CYP19A1: variants seen among roughly 807,000 people sequenced by gnomAD.
The protein encoded by CYP19A1 is cytochrome P450 family 19 subfamily A member 1.
A neutral mutation model predicts 44.4 loss-of-function variants in CYP19A1; 32 were observed. That is an observed-to-expected ratio of 0.72 (90% CI 0.54 to 0.97). CYP19A1 has a LOEUF of 0.97. CYP19A1 is among the 50% of genes least tolerant of loss of function. The pLI, the probability that CYP19A1 is intolerant of heterozygous loss-of-function variation, is 0.00. For synonymous variants in CYP19A1, 212 were observed against 215.6 expected (o/e 0.98, Z 0.14); for missense variants, 598 against 637.8 (o/e 0.94, Z 0.67).
intron 5 of CYP19A1, among the ~76,000 whole-genome samples, chr15:51,218,990 G>C (rs920328930): frequency 2.0e-5 from 3 of 152,176 alleles, no homozygotes; most frequent in Non-Finnish European, 4.4e-5. Flanking sequence ...TGTACAAATG[G>C]AACTAGTAAT....
At chr15:51,291,008 A>T (rs1384245433) in intron 1 of CYP19A1, among the ~76,000 whole-genome samples, 1 of 152,198 alleles carries the variant, frequency 6.6e-6, no homozygotes, top group Non-Finnish European at 1.5e-5. Context: ...AGGCTTTGGG[A>T]TAGACACGGG....
At chr15:51,274,750 C>T (rs1425271218) in intron 1 of CYP19A1, among the ~76,000 whole-genome samples, 3 of 152,138 alleles carry the variant, frequency 2.0e-5, no homozygotes, top group East Asian at 1.9e-4. Flanking sequence ...CCCTGGCCCT[C>T]GCTCCTGTAT....
At position 51,212,340 on chromosome 15, in the gene CYP19A1, G is replaced by T; in HGVS notation, c.1243C>A (p.Leu415Ile). The change falls in exon 9 of 10, where the codon CTT (leucine) becomes ATT (isoleucine). Residue 415 changes from leucine (L) to isoleucine (I), a missense_variant. Transcript: ENST00000396402. The part of the protein sequence containing the change: ...EFFPKPNEFT[L>I]ENFAKNVPYR... ...CTTACATTCTTTGCAAAATTTTCAA[G>T]AGTAAATTCATTGGGTTTGGGGAAA... 6.2e-7 allele frequency: 1 copy of T among 1,600,462 alleles called. No individual in the cohort carries two copies. Among genetic ancestry groups the T allele is most frequent in the Non-Finnish European group, 8.6e-7 (1 of 1,167,478 alleles).
intron 3 of CYP19A1, among the ~76,000 whole-genome samples, chr15:51,233,391 C>G (rs1183411776): frequency 6.6e-6 from 1 of 152,126 alleles, no homozygotes; most frequent in African/African-American, 2.4e-5. Flanking sequence ...GACCTAGTGA[C>G]GACATATTGC....
At chr15:51,303,306 G>T (rs1211653208) in intron 1 of CYP19A1, among the ~76,000 whole-genome samples, 1 of 151,962 alleles carries the variant, frequency 6.6e-6, no homozygotes, top group Non-Finnish European at 1.5e-5. Context: ...GGGTGAGAGA[G>T]CTAGTTCTTG....
At chr15:51,294,550 C>T (rs1403474883) in intron 1 of CYP19A1, among the ~76,000 whole-genome samples, 15 of 148,232 alleles carry the variant, frequency 1.0e-4, no homozygotes, top group East Asian at 6.2e-4. Context: ...GGAGCGTCTC[C>T]GCCCGGCAGC....
intron 1 of CYP19A1, among the ~76,000 whole-genome samples, chr15:51,309,874 T>C (rs76387212): frequency 0.034 from 5,150 of 152,286 alleles, 287 homozygotes; most frequent in African/African-American, 0.12. Context: ...CATGAGCTAC[T>C]TGAGGGTGGG....
At chr15:51,285,816 G>A (rs571047553) in intron 1 of CYP19A1, among the ~76,000 whole-genome samples, 15 of 152,246 alleles carry the variant, frequency 9.9e-5, no homozygotes, top group African/African-American at 1.4e-4. Flanking sequence ...CCATACTTGC[G>A]TTAGCCCACT....
chr15:51,275,095 C>T (rs1305491530), intron 1 of CYP19A1, among the ~76,000 whole-genome samples: 1 of 152,220 alleles, frequency 6.6e-6, no homozygotes, highest in African/African-American at 2.4e-5. Context: ...ACTGTTGTGG[C>T]CCGTGTCAGG....
chr15:51,214,413 G>T (rs1384044685), intron 8 of CYP19A1, among the ~76,000 whole-genome samples: 4 of 152,302 alleles, frequency 2.6e-5, no homozygotes, highest in African/African-American at 9.6e-5. Flanking sequence ...GAGGGCAGGG[G>T]AGAGGAAGGG....
chr15:51,336,412 G>A (rs1437552607), intron 1 of CYP19A1, among the ~76,000 whole-genome samples: 1 of 152,176 alleles, frequency 6.6e-6, no homozygotes, highest in Non-Finnish European at 1.5e-5. Flanking sequence ...GTTTCTTGGG[G>A]TTTAACAGTA....
intron 1 of CYP19A1, among the ~76,000 whole-genome samples, chr15:51,314,458 G>A (rs1288461391): frequency 2.0e-5 from 3 of 152,148 alleles, no homozygotes; most frequent in East Asian, 3.9e-4. Context: ...TCCATGAAAA[G>A]CTCTGTGCCA....
intron 1 of CYP19A1, among the ~76,000 whole-genome samples, chr15:51,284,611 G>A (rs555342873): frequency 2.4e-4 from 37 of 152,288 alleles, no homozygotes; most frequent in South Asian, 4.1e-4. Context: ...CTTGGAGAAG[G>A]ACCAGGAATA....
In CYP19A1 at chr15:51,271,553, G is replaced by C. The variant is rs149037750; in HGVS notation, c.-38-28603C>G. ...CAATTTACAAGATCTAAACCTTGTT[G>C]ACAAACTAGCTCCACCACAGTTCTA... is the stretch of plus-strand genomic sequence containing the variant. On this transcript the variant is annotated intron_variant, in intron 1 of 9. Coordinates refer to ENST00000396402, the MANE Select transcript of CYP19A1 (RefSeq NM_000103.4). Among the ~76,000 whole-genome samples the C allele has an allele frequency of 4.3e-3, 653 of 152,294 alleles. 5 individuals carry two copies. Among genetic ancestry groups the C allele is most frequent in the African/African-American group, 0.015 (621 of 41,552 alleles).
At chr15:51,297,886 G>A (rs1359596821) in intron 1 of CYP19A1, among the ~76,000 whole-genome samples, 3 of 141,674 alleles carry the variant, frequency 2.1e-5, no homozygotes, top group Non-Finnish European at 3.1e-5. Context: ...CCTGATGGGG[G>A]CCTAACACAG....
chr15:51,238,576 C>T (rs893440831), intron 2 of CYP19A1, among the ~76,000 whole-genome samples: 2 of 152,158 alleles, frequency 1.3e-5, no homozygotes, highest in Admixed American at 6.5e-5. Context: ...GCAGCCTCCA[C>T]CTCCCGGGTT....
intron 1 of CYP19A1, chr15:51,315,987 C>A (rs757087413): frequency 2.0e-5 from 3 of 152,166 alleles, no homozygotes; most frequent in Non-Finnish European, 4.4e-5. Flanking sequence ...GTTAGCAGAA[C>A]CTGAATGGGC....
chr15:51,287,253 T>C (rs958517371), intron 1 of CYP19A1, among the ~76,000 whole-genome samples: 1 of 152,130 alleles, frequency 6.6e-6, no homozygotes, highest in Non-Finnish European at 1.5e-5. Context: ...GGAAAATATA[T>C]CCTTTAAGAA....
In CYP19A1 at chr15:51,218,660, A is replaced by AG; in HGVS notation, c.629-6dup. 6.2e-7 allele frequency: 1 copy of AG among 1,610,364 alleles called. No homozygotes were observed. The highest frequency in any genetic ancestry group is 8.5e-7 in the Non-Finnish European group (1 of 1,178,132). On this transcript the variant is annotated splice_polypyrimidine_tract_variant and splice_region_variant and intron_variant, in intron 5 of 9. Coordinates refer to ENST00000396402, the MANE Select transcript of CYP19A1 (RefSeq NM_000103.4). ...TTTTAACCACGATAGCACTTTCTGT[A>AG]GGAAAAAAAAACACACATACACAAG...
Sources: allele counts gnomAD v4.1 joint callset (sites outside exome capture counted in the v4.1 genomes callset), GRCh38; gene constraint gnomAD v4.1.1; transcripts MANE v1.5; gene names NCBI Gene and HGNC (gene_info 2026-07-23, HGNC 2026-07-21).